The following RO60 variants were observed in gnomAD, a reference collection of about 807,000 sequenced individuals.
RO60 encodes Ro60, Y RNA binding protein.
A neutral mutation model predicts 55.3 loss-of-function variants in RO60; 20 were observed. The observed-to-expected ratio is 0.36, with a 90% CI of 0.25 to 0.53. The LOEUF is 0.53. Among genes scored for constraint, RO60 ranks in the 20% least tolerant of loss-of-function variants. The probability of loss-of-function intolerance (pLI) is 0.92; values close to 1 mark genes in which losing one functional copy is unlikely to be tolerated. For synonymous variants in RO60, 213 were observed against 213.6 expected, an observed-to-expected ratio of 1.00 and a Z score of 0.02; for missense variants, 558 against 646.6, an observed-to-expected ratio of 0.86 and a Z score of 1.49.
At chr1:193,071,975 T>C (rs1274932065) in intron 2 of RO60, among the ~76,000 whole-genome samples, 1 of 151,938 alleles carries the variant, frequency 6.6e-6, no homozygotes, top group African/African-American at 2.4e-5. Flanking sequence ...TTGTGATCAC[T>C]ATTCATTCAA....
At chr1:193,070,459 A>G (rs534039090) in intron 2 of RO60, 233 of 322,594 alleles carry the variant, frequency 7.2e-4, no homozygotes, top group African/African-American at 2.6e-3. Context: ...AAAAGAAATA[A>G]GAAAAACTCT....
Position 193,075,848 on chromosome 1 carries a change from A to G in RO60, c.609A>G (p.Thr203=), listed in dbSNP as rs1427968386. ...EGLAIVTKYI[T]KGWKEVHELY... is the part of the protein sequence containing the mutation. ...TTGCAATTGTGACCAAATATATTAC[A>G]AAGGGCTGGAAAGAAGTTCATGAAT... Residue 203 remains threonine, a synonymous_variant, in exon 3 of 9, where the codon ACA becomes ACG. Transcript: ENST00000400968. The G allele has an allele frequency of 4.4e-6, 7 of 1,608,642 alleles. No homozygotes were observed. The East Asian group carries it at 1.6e-4, about 36-fold the overall frequency.
In RO60 at chr1:193,084,856, T is replaced by C. The variant is rs1249674748; in HGVS notation, c.*125T>C. ...GGTATAGTATGTGCATAATGGAAAG[T>C]TACCTTACTGAAAAAAAAAAAAGAA... On this transcript the variant is annotated 3_prime_UTR_variant, in exon 9 of 9. Coordinates refer to ENST00000400968, the MANE Select transcript of RO60 (RefSeq NM_001173524.2). 5 of 1,492,540 alleles carry C rather than the reference T, an allele frequency of 3.3e-6. No homozygotes were observed. The highest frequency in any genetic ancestry group is 1.8e-4 in the Middle Eastern group (1 of 5,590). The allele number at this position is 1,492,540 out of a possible 1,614,324, so 92.5% of individuals were successfully genotyped here.
intron 4 of RO60, 67 bp downstream of exon 4, chr1:193,076,714 T>C (rs950095941): frequency 6.1e-5 from 89 of 1,461,750 alleles, no homozygotes; most frequent in Non-Finnish European, 8.0e-5. Flanking sequence ...ATTTTAGAAA[T>C]GCCGTCAGTG....
intron 5 of RO60, among the ~76,000 whole-genome samples, chr1:193,079,783 G>T (rs1674174448): frequency 6.6e-6 from 1 of 151,988 alleles, no homozygotes; most frequent in Non-Finnish European, 1.5e-5. Flanking sequence ...TTAAAAATGG[G>T]CAAAGTACTT....
In RO60 at chr1:193,059,820, C is replaced by G. The variant is rs749996058; in HGVS notation, c.-22+44C>G. On this transcript the variant is annotated intron_variant, in intron 1 of 8. Transcript: ENST00000400968. This position sits in a 1 kb window ranked among gnomAD's most constrained non-coding sequence, Gnocchi z 4.9. ...GCCGGCTGGGAGCCTTTTGTGCGGC[C>G]CCAGGGACGCGCAAATTCTGACCAG... The G allele has an allele frequency of 2.2e-6, 3 of 1,357,228 alleles. No individual in the cohort carries two copies. The highest frequency in any genetic ancestry group is 3.0e-5 in the African/African-American group (2 of 67,554). 84.1% of individuals were successfully genotyped at this position (1,357,228 alleles called of 1,614,324 possible).
At chr1:193,071,211 G>A (rs531884522) in intron 2 of RO60, among the ~76,000 whole-genome samples, 2 of 152,166 alleles carry the variant, frequency 1.3e-5, no homozygotes, top group Non-Finnish European at 2.9e-5. Context: ...TCACTTGCCT[G>A]CTGCTCACCT....
intron 2 of RO60, 151 bp downstream of exon 2, chr1:193,069,785 T>C: frequency 1.5e-6 from 1 of 656,082 alleles, no homozygotes. Context: ...ATTTAATGCC[T>C]TCCTGGGATT....
rs767863723 is a variant in RO60 at position 193,090,960 on chromosome 1, C to A, written c.*6229C>A. On this transcript the variant is annotated 3_prime_UTR_variant, in exon 9 of 9. Transcript: ENST00000400968. ...CATTGGTAATTTAAACATCCAATAA[C>A]AGGAAAATCTAGATACAGTGATGTG... is the stretch of plus-strand genomic sequence containing the variant. 2.0e-5 allele frequency: 3 copies of A among 152,052 alleles called. No homozygotes were observed. The highest frequency in any genetic ancestry group is 4.4e-5 in the Non-Finnish European group (3 of 67,954). 9.4% of individuals were successfully genotyped at this position (152,052 alleles called of 1,614,324 possible). A position where few individuals can be genotyped will look rare whatever the true frequency, so the allele number is the denominator to read the frequency against.
At chr1:193,073,021 C>G (rs1010620171) in intron 2 of RO60, among the ~76,000 whole-genome samples, 3 of 152,098 alleles carry the variant, frequency 2.0e-5, no homozygotes, top group African/African-American at 7.2e-5. Context: ...TATTTTAATG[C>G]CTTTAAGTGT....
Position 193,085,838 on chromosome 1 carries a change from AG to A in RO60, c.*1108del. 1.0e-6 allele frequency: 1 copy of A among 985,316 alleles called. No individual in the cohort carries two copies. Among genetic ancestry groups the A allele is most frequent in the Non-Finnish European group, 1.2e-6 (1 of 829,840 alleles). 61.0% of individuals were successfully genotyped at this position (985,316 alleles called of 1,614,324 possible). On this transcript the variant is annotated 3_prime_UTR_variant, in exon 9 of 9. Coordinates refer to ENST00000400968, the MANE Select transcript of RO60 (RefSeq NM_001173524.2). Reference sequence around the variant, plus strand: ...TAGGTTTGAAAGGCAATTTTTGAGTAGCATATTACCAGCTAGCCAGTCACTA... The same window carrying A: ...TAGGTTTGAAAGGCAATTTTTGAGTACATATTACCAGCTAGCCAGTCACTA...
intron 1 of RO60, among the ~76,000 whole-genome samples, chr1:193,062,930 A>G (rs1212146468): frequency 6.6e-6 from 1 of 152,088 alleles, no homozygotes; most frequent in Non-Finnish European, 1.5e-5. Flanking sequence ...TCATCCCTTC[A>G]TCAGTTGATG....
chr1:193,076,721 A>G, intron 4 of RO60, 74 bp downstream of exon 4: 8 of 1,453,726 alleles, frequency 5.5e-6, no homozygotes, highest in Non-Finnish European at 7.4e-6. Context: ...AAATGCCGTC[A>G]GTGCATTTTT....
intron 6 of RO60, 37 bp downstream of exon 6, chr1:193,081,517 C>CAT (rs754679534): frequency 8.2e-7 from 1 of 1,214,410 alleles, no homozygotes; most frequent in Non-Finnish European, 1.2e-6. Context: ...ATTCTAAAAA[C>CAT]ATGTTTACTG....
chr1:193,084,493 G>C, intron 8 of RO60, 86 bp from the exon 9 acceptor site: 1 of 1,401,330 alleles, frequency 7.1e-7, no homozygotes, highest in Non-Finnish European at 9.4e-7. Flanking sequence ...CTCTGGTAGA[G>C]AAATGTTAAA....
intron 1 of RO60, among the ~76,000 whole-genome samples, chr1:193,066,341 T>C (rs1240836672): frequency 6.6e-6 from 1 of 152,218 alleles, no homozygotes; most frequent in East Asian, 1.9e-4. Context: ...CTTCATAGTT[T>C]ATAAGTATGT....
intron 1 of RO60, among the ~76,000 whole-genome samples, chr1:193,068,335 A>G (rs1285673171): frequency 2.0e-5 from 3 of 152,196 alleles, no homozygotes; most frequent in East Asian, 1.9e-4. Flanking sequence ...CCACCAATCT[A>G]TGTTTCAATT....
Position 193,069,053 on chromosome 1 carries a change from A to T in RO60, c.-2A>T. Reference sequence around the variant, plus strand: ...TGTTAGGTTTCCTAAAGACAAAAAAAAATGGAGGAATCTGTAAACCAAATG... The same window carrying T: ...TGTTAGGTTTCCTAAAGACAAAAAATAATGGAGGAATCTGTAAACCAAATG... On this transcript the variant is annotated 5_prime_UTR_variant, in exon 2 of 9. Transcript: ENST00000400968. The T allele has an allele frequency of 6.3e-7, 1 of 1,597,356 alleles. No individual in the cohort carries two copies. The highest frequency in any genetic ancestry group is 8.5e-7 in the Non-Finnish European group (1 of 1,170,414).
rs1196988455 is a variant in RO60 at position 193,059,633 on chromosome 1, C to T, written c.-165C>T. On this transcript the variant is annotated 5_prime_UTR_variant, in exon 1 of 9. Coordinates refer to ENST00000400968, the MANE Select transcript of RO60 (RefSeq NM_001173524.2). The surrounding 1 kb of genome is among the most constrained non-coding windows in gnomAD (Gnocchi z 4.9). ...CAGGACTCGTTCCCGGGAACCGAACCTGGAATCCCCGGCGGCAGTGGGGCT... is the reference window on the plus strand; with the variant it reads ...CAGGACTCGTTCCCGGGAACCGAACTTGGAATCCCCGGCGGCAGTGGGGCT... 1 of 1,401,248 alleles carries T rather than the reference C, an allele frequency of 7.1e-7. No individual in the cohort carries two copies. Among genetic ancestry groups the T allele is most frequent in the Non-Finnish European group, 9.6e-7 (1 of 1,046,078 alleles). The allele number at this position is 1,401,248 out of a possible 1,614,324, so 86.8% of individuals were successfully genotyped here.
Sources: gnomAD v4.1 joint callset for allele counts (sites outside exome capture counted in the v4.1 genomes callset) on GRCh38, gnomAD v4.1.1 for gene constraint, Gnocchi (gnomAD v3.1) non-coding constraint, MANE v1.5 for transcripts, NCBI Gene and HGNC (gene_info 2026-07-23, HGNC 2026-07-21) for gene names.